SNX29: variants seen among roughly 807,000 people sequenced by gnomAD.
The protein encoded by SNX29 is sorting nexin 29, also known as sorting nexin-29.
In SNX29, 78 loss-of-function variants were observed where a neutral mutation model predicts 102.1. That is an observed-to-expected ratio of 0.76 (90% CI 0.64 to 0.92). The LOEUF (loss-of-function observed/expected upper bound fraction) is 0.92. Ranked by LOEUF, SNX29 falls within the 40% of genes least tolerant of loss-of-function variation. The probability of loss-of-function intolerance (pLI) is 0.00; values close to 1 mark genes in which losing one functional copy is unlikely to be tolerated. For synonymous variants in SNX29, 580 were observed against 414.5 expected (o/e 1.40, Z -4.85); for missense variants, 1,280 against 1,061.7 (o/e 1.21, Z -2.86).
At chr16:12,040,152 C>T (rs1251353827) in intron 4 of SNX29, among the ~76,000 whole-genome samples, 1 of 152,064 alleles carries the variant, frequency 6.6e-6, no homozygotes, top group African/African-American at 2.4e-5. Flanking sequence ...TCGCTTGAAG[C>T]CAGGAGTTTG....
At chr16:12,470,526 C>T (rs1298802224) in intron 18 of SNX29, among the ~76,000 whole-genome samples, 3 of 152,136 alleles carry the variant, frequency 2.0e-5, no homozygotes, top group East Asian at 1.9e-4. Context: ...AGAGGTGCAC[C>T]GAGCTTGTTC....
intron 8 of SNX29, among the ~76,000 whole-genome samples, chr16:12,054,435 G>T (rs1343886579): frequency 6.6e-6 from 1 of 152,210 alleles, no homozygotes; most frequent in Non-Finnish European, 1.5e-5. Flanking sequence ...GTTTGAATTG[G>T]TGGACTCAGT....
At chr16:12,563,088 C>T (rs1046240047) in intron 20 of SNX29, among the ~76,000 whole-genome samples, 1 of 146,634 alleles carries the variant, frequency 6.8e-6, no homozygotes, top group East Asian at 1.9e-4. Flanking sequence ...CAGAATGTTA[C>T]ATAGAAGACG....
Position 12,538,366 on chromosome 16 carries a change from A to C in SNX29, c.2318+13525A>C, listed in dbSNP as rs144182549. 3.9e-5 allele frequency among the ~76,000 whole-genome samples: 6 copies of C among 152,314 alleles called. No homozygotes were observed. In the East Asian group the frequency reaches 1.2e-3, roughly 29 times the overall value. On this transcript the variant is annotated intron_variant, in intron 20 of 20. Coordinates refer to ENST00000566228, the MANE Select transcript of SNX29 (RefSeq NM_032167.5). ...CGGTCTTCCAAAGTGCTGACATTACAGGCGTGAGCCACCGCGCCCGGCCTC... is the reference window on the plus strand; with the variant it reads ...CGGTCTTCCAAAGTGCTGACATTACCGGCGTGAGCCACCGCGCCCGGCCTC...
At chr16:12,270,255 T>G (rs2079051504) in intron 14 of SNX29, among the ~76,000 whole-genome samples, 1 of 152,230 alleles carries the variant, frequency 6.6e-6, no homozygotes, top group South Asian at 2.1e-4. Context: ...TTTGTATTTA[T>G]TGTTTAGGTT....
intron 11 of SNX29, chr16:12,087,742 G>A (rs1431055445): frequency 2.4e-6 from 1 of 413,780 alleles, no homozygotes; most frequent in South Asian, 1.8e-5. Flanking sequence ...GAAAGTCACT[G>A]AGGCAGAGGC....
intron 19 of SNX29, among the ~76,000 whole-genome samples, chr16:12,488,722 G>A (rs115915270): frequency 1.3e-5 from 2 of 152,184 alleles, no homozygotes; most frequent in African/African-American, 2.4e-5. Context: ...TCACCTGCCC[G>A]CTGGACATTG....
intron 11 of SNX29, among the ~76,000 whole-genome samples, chr16:12,103,074 A>G (rs2053087862): frequency 6.6e-6 from 1 of 152,228 alleles, no homozygotes; most frequent in African/African-American, 2.4e-5. Context: ...AAATGGAAAA[A>G]CATTCCATGC....
chr16:12,088,719 G>T (rs749863533), intron 11 of SNX29, among the ~76,000 whole-genome samples: 2 of 152,262 alleles, frequency 1.3e-5, no homozygotes, highest in Non-Finnish European at 2.9e-5. Flanking sequence ...GCTGAGGTGG[G>T]AAGATGGCTC....
intron 17 of SNX29, among the ~76,000 whole-genome samples, chr16:12,402,727 G>A (rs1232383854): frequency 1.3e-5 from 2 of 152,220 alleles, no homozygotes; most frequent in African/African-American, 4.8e-5. Flanking sequence ...GTAAAAGCAT[G>A]GAGCTGTGCG....
rs556976694 is a variant in SNX29 at position 12,534,178 on chromosome 16, G to A, written c.2318+9337G>A. On this transcript the variant is annotated intron_variant, in intron 20 of 20. Coordinates refer to ENST00000566228, the MANE Select transcript of SNX29 (RefSeq NM_032167.5). ...GCGCGGCCTCTGCGGTTCTGACTGA[G>A]GTCTTCATAAGAGTGTGGGCTCCAT... Among the ~76,000 whole-genome samples the A allele has an allele frequency of 1.9e-3, 285 of 152,342 alleles. 1 individual carries two copies. The highest frequency in any genetic ancestry group is 6.7e-3 in the African/African-American group (277 of 41,580).
chr16:12,122,260 C>G (rs879676557), intron 11 of SNX29, among the ~76,000 whole-genome samples: 3 of 152,178 alleles, frequency 2.0e-5, no homozygotes, highest in Non-Finnish European at 4.4e-5. Flanking sequence ...TCCTTCGCGT[C>G]TCTTGTCAGC....
At chr16:12,278,865 G>C (rs2079340431) in intron 15 of SNX29, among the ~76,000 whole-genome samples, 1 of 152,148 alleles carries the variant, frequency 6.6e-6, no homozygotes, top group African/African-American at 2.4e-5. Context: ...ATTCATCCAT[G>C]TAAGTCATCT....
chr16:12,470,677 G>C (rs1597496485), intron 18 of SNX29, among the ~76,000 whole-genome samples: 1 of 152,338 alleles, frequency 6.6e-6, no homozygotes, highest in East Asian at 1.9e-4. Context: ...AATCCACAGA[G>C]CACGCTTTAT....
chr16:12,513,613 C>T (rs1219108184), intron 19 of SNX29, among the ~76,000 whole-genome samples: 1 of 152,220 alleles, frequency 6.6e-6, no homozygotes, highest in Non-Finnish European at 1.5e-5. Flanking sequence ...CTCAGCCACG[C>T]CGTTGCCCCG....
intron 11 of SNX29, among the ~76,000 whole-genome samples, chr16:12,113,738 C>A (rs1246708134): frequency 6.6e-6 from 1 of 152,252 alleles, no homozygotes; most frequent in Non-Finnish European, 1.5e-5. Context: ...CCATGGCAGA[C>A]TCAGGGCTTT....
chr16:12,533,087 C>A (rs565660241), intron 20 of SNX29, among the ~76,000 whole-genome samples: 1 of 152,350 alleles, frequency 6.6e-6, no homozygotes, highest in East Asian at 1.9e-4. Flanking sequence ...GCCCACATCA[C>A]ACCTCCGGGG....
At chr16:12,539,122 A>C (rs1435587513) in intron 20 of SNX29, among the ~76,000 whole-genome samples, 1 of 152,144 alleles carries the variant, frequency 6.6e-6, no homozygotes, top group African/African-American at 2.4e-5. Flanking sequence ...TTTCACAAAA[A>C]ATTTTTAATT....
chr16:12,181,881 G>A (rs566667630), intron 13 of SNX29, among the ~76,000 whole-genome samples: 2 of 148,420 alleles, frequency 1.3e-5, no homozygotes, highest in African/African-American at 4.9e-5. Flanking sequence ...GTGGGCTTCT[G>A]CCTTTTTTTT....
Sources: allele counts gnomAD v4.1 joint callset (sites outside exome capture counted in the v4.1 genomes callset), GRCh38; gene constraint gnomAD v4.1.1; transcripts MANE v1.5; gene names NCBI Gene and HGNC (gene_info 2026-07-23, HGNC 2026-07-21).